Variants in FOXP2 observed in about 807,000 individuals in gnomAD.
FOXP2 encodes the protein forkhead box protein P2.
Under a neutral mutation model 115.8 loss-of-function variants are expected in FOXP2, and 12 were observed. The ratio of observed to expected loss-of-function variants is 0.10; its 90% CI spans 0.07 to 0.17. The LOEUF is 0.17. Among genes scored for constraint, FOXP2 ranks in the 10% least tolerant of loss-of-function variants. FOXP2 has a pLI of 1.00. For missense variants in FOXP2, 629 were observed against 843.5 expected, an observed-to-expected ratio of 0.75 and a Z score of 3.15; for synonymous variants, 328 against 297.7, an observed-to-expected ratio of 1.10 and a Z score of -1.05.
At chr7:114,673,811 T>G (rs1807617495) in intron 16 of FOXP2, among the ~76,000 whole-genome samples, 1 of 152,176 alleles carries the variant, frequency 6.6e-6, no homozygotes, top group African/African-American at 2.4e-5. Flanking sequence ...GCAATTCTCC[T>G]GTCTCAGCCT....
chr7:114,457,804 A>C (rs1795380051), intron 2 of FOXP2, among the ~76,000 whole-genome samples: 1 of 151,664 alleles, frequency 6.6e-6, no homozygotes. Flanking sequence ...AGGCTGAGGC[A>C]GGAGACTGGC....
At chr7:114,133,427 C>T (rs1280167398) in intron 1 of FOXP2, among the ~76,000 whole-genome samples, 2 of 152,172 alleles carry the variant, frequency 1.3e-5, no homozygotes, top group African/African-American at 4.8e-5. Flanking sequence ...TGTAAGTTAG[C>T]ATATAGGCGT....
At chr7:114,297,302 G>A in intron 2 of FOXP2, 1 of 562,238 alleles carries the variant, frequency 1.8e-6, no homozygotes, top group Non-Finnish European at 3.4e-6. Flanking sequence ...TCTGAATCAT[G>A]TCCCACGCAA....
chr7:114,278,025 T>TAAA (rs1198719493), intron 1 of FOXP2, among the ~76,000 whole-genome samples: 23 of 76,208 alleles, frequency 3.0e-4, no homozygotes, highest in East Asian at 1.2e-3. Context: ...AGACCTTGTC[T>TAAA]AAAAAAAAAA....
rs545667210 is a variant in FOXP2, at chr7:114,432,507, G to A, written c.168+5828G>A. Among the ~76,000 whole-genome samples the A allele has an allele frequency of 7.2e-5, 11 of 151,920 alleles. No individual in the cohort carries two copies. In the East Asian group the frequency reaches 1.7e-3, roughly 24 times the overall value. On this transcript the variant is annotated intron_variant, in intron 2 of 16. Transcript: ENST00000350908. Reference sequence around the variant, plus strand: ...GACTGTATAGGTAAAGTACTGTTAAGGGTTTAAAAAGTAATAATTTTCTAG... The same window carrying A: ...GACTGTATAGGTAAAGTACTGTTAAAGGTTTAAAAAGTAATAATTTTCTAG...
chr7:114,509,424 A>C (rs531755070), intron 2 of FOXP2, among the ~76,000 whole-genome samples: 1 of 152,050 alleles, frequency 6.6e-6, no homozygotes, highest in African/African-American at 2.4e-5. Context: ...AAAAAAGAGA[A>C]AGGTATTATG....
intron 2 of FOXP2, among the ~76,000 whole-genome samples, chr7:114,375,333 T>G (rs1792113922): frequency 6.6e-6 from 1 of 152,210 alleles, no homozygotes; most frequent in Admixed American, 6.5e-5. Flanking sequence ...GTTTAGAGAC[T>G]GGGCTCTGGA....
At chr7:114,656,662 T>G (rs1806607691) in intron 10 of FOXP2, 1 of 213,214 alleles carries the variant, frequency 4.7e-6, no homozygotes, top group African/African-American at 2.3e-5. Context: ...AGTTTGTGGT[T>G]TATTGGGAAC....
intron 2 of FOXP2, among the ~76,000 whole-genome samples, chr7:114,432,584 G>A (rs1479753798): frequency 6.6e-6 from 1 of 151,760 alleles, no homozygotes; most frequent in African/African-American, 2.4e-5. Flanking sequence ...CATTTCTTTG[G>A]AGATCTTTAA....
At chr7:114,639,020 A>C (rs960010209) in intron 6 of FOXP2, among the ~76,000 whole-genome samples, 6 of 152,182 alleles carry the variant, frequency 3.9e-5, no homozygotes, top group African/African-American at 1.4e-4. Context: ...TTTTCAGTAC[A>C]AATGAATAGT....
chr7:114,146,056 A>G (rs921187771), intron 1 of FOXP2, among the ~76,000 whole-genome samples: 4 of 152,202 alleles, frequency 2.6e-5, no homozygotes, highest in Non-Finnish European at 5.9e-5. Context: ...TTATAACCAA[A>G]GATTAAGGTA....
chr7:114,634,765 A>G (rs1453943831), intron 6 of FOXP2, among the ~76,000 whole-genome samples: 2 of 152,108 alleles, frequency 1.3e-5, no homozygotes, highest in East Asian at 3.8e-4. Context: ...AATGAAATTT[A>G]GTGAAACATT....
chr7:114,130,069 A>G (rs917813859), intron 1 of FOXP2, among the ~76,000 whole-genome samples: 1 of 152,096 alleles, frequency 6.6e-6, no homozygotes, highest in African/African-American at 2.4e-5. Flanking sequence ...ATCCCAGCAC[A>G]TTGGGAGACA....
intron 1 of FOXP2, among the ~76,000 whole-genome samples, chr7:114,212,360 C>A (rs1794380104): frequency 6.6e-6 from 1 of 151,912 alleles, no homozygotes; most frequent in African/African-American, 2.4e-5. Context: ...ATAAAATTCA[C>A]TTTTGTTGAA....
chr7:114,552,841 A>C (rs1800276672), intron 3 of FOXP2, among the ~76,000 whole-genome samples: 1 of 152,212 alleles, frequency 6.6e-6, no homozygotes, highest in African/African-American at 2.4e-5. Context: ...TATAGAGGTC[A>C]GGACTGTGAA....
chr7:114,692,481 T>A lies in FOXP2; in HGVS notation c.*2555T>A, dbSNP rs1424913550. 1.5e-5 allele frequency: 7 copies of A among 453,338 alleles called. No homozygotes were observed. Among genetic ancestry groups the A allele is most frequent in the African/African-American group, 1.4e-4 (7 of 49,950 alleles). 28.1% of individuals were successfully genotyped at this position (453,338 alleles called of 1,614,324 possible). ...TATTTTGATAATTGTGCATATTATG[T>A]AAAAATGTTGGTGGACCCATAAATG... On this transcript the variant is annotated 3_prime_UTR_variant, in exon 17 of 17. Coordinates refer to ENST00000350908, the MANE Select transcript of FOXP2 (RefSeq NM_014491.4).
intron 1 of FOXP2, among the ~76,000 whole-genome samples, chr7:114,229,880 G>A (rs1794831600): frequency 6.6e-6 from 1 of 151,326 alleles, no homozygotes; most frequent in Non-Finnish European, 1.5e-5. Flanking sequence ...AAGAAGGAAG[G>A]AAATCATGAA....
chr7:114,382,464 C>T (rs892196406), intron 2 of FOXP2, among the ~76,000 whole-genome samples: 4 of 152,144 alleles, frequency 2.6e-5, no homozygotes, highest in African/African-American at 9.7e-5. Context: ...TTCTATTGGA[C>T]AATCTTTTTT....
chr7:114,516,492 A>G (rs940992660), intron 2 of FOXP2, among the ~76,000 whole-genome samples: 1 of 152,150 alleles, frequency 6.6e-6, no homozygotes, highest in Non-Finnish European at 1.5e-5. Context: ...TATTTCTTTG[A>G]CATACTAATT....
Sources: allele counts gnomAD v4.1 joint callset (sites outside exome capture counted in the v4.1 genomes callset), GRCh38; gene constraint gnomAD v4.1.1; transcripts MANE v1.5; gene names NCBI Gene and HGNC (gene_info 2026-07-23, HGNC 2026-07-21).